Variants in UGT2A2 observed in about 807,000 individuals in gnomAD.
UGT2A2 encodes the protein UDP glucuronosyltransferase family 2 member A2.
UGT2A2 carries 60 observed loss-of-function variants against 50.7 expected under a neutral mutation model. The observed-to-expected ratio is 1.18, with a 90% confidence interval of 0.96 to 1.47. The LOEUF is 1.47. UGT2A2 is among the 40% of genes most tolerant of loss of function. The pLI, the probability that UGT2A2 is intolerant of heterozygous loss-of-function variation, is 0.00. For missense variants in UGT2A2, 762 were observed against 634.0 expected (o/e 1.20, Z -2.17); for synonymous variants, 242 against 214.6 (o/e 1.13, Z -1.11).
intron 1 of UGT2A2, among the ~76,000 whole-genome samples, chr4:69,616,134 C>T (rs920306932): frequency 3.3e-5 from 5 of 151,708 alleles, no homozygotes; most frequent in Non-Finnish European, 5.9e-5. Flanking sequence ...ACAAATATGC[C>T]GTGTTTTCAC....
intron 1 of UGT2A2, among the ~76,000 whole-genome samples, chr4:69,623,376 A>T (rs755313233): frequency 1.3e-5 from 2 of 151,798 alleles, no homozygotes; most frequent in African/African-American, 4.8e-5. Flanking sequence ...AATTTTTGTG[A>T]GAATCATCTC....
At chr4:69,608,091 A>G (rs1196095171) in intron 1 of UGT2A2, among the ~76,000 whole-genome samples, 1 of 152,194 alleles carries the variant, frequency 6.6e-6, no homozygotes. Context: ...AAGGATCATA[A>G]ATCATTCTGC....
At chr4:69,622,675 G>A (rs1720820189) in intron 1 of UGT2A2, among the ~76,000 whole-genome samples, 1 of 151,802 alleles carries the variant, frequency 6.6e-6, no homozygotes, top group Middle Eastern at 3.4e-3. Context: ...ATGCATTGAG[G>A]ATTTCATGTG....
intron 1 of UGT2A2, among the ~76,000 whole-genome samples, chr4:69,631,319 T>TCA (rs33943659): frequency 1.5e-4 from 1 of 6,756 alleles, no homozygotes; most frequent in Non-Finnish European, 3.0e-4. Context: ...TTAATTTTTA[T>TCA]GTTTTTATTT....
chr4:69,620,520 G>C (rs1469683756), intron 1 of UGT2A2, among the ~76,000 whole-genome samples: 2 of 151,776 alleles, frequency 1.3e-5, no homozygotes, highest in Admixed American at 1.3e-4. Context: ...CTCATAGATA[G>C]GAATAATCGA....
chr4:69,590,380 T>C (rs780224090), intron 5 of UGT2A2, among the ~76,000 whole-genome samples: 3 of 152,180 alleles, frequency 2.0e-5, no homozygotes, highest in Non-Finnish European at 2.9e-5. Flanking sequence ...GATATCTACA[T>C]ATTTAAAAGG....
In UGT2A2 at chr4:69,604,977, C is replaced by T. The variant is rs148779677; in HGVS notation, c.743-5583G>A. On this transcript the variant is annotated intron_variant, in intron 1 of 5. Transcript: ENST00000604629. Reference sequence around the variant, plus strand: ...ACTCCCACACAATAATAATGAGAGACTTTGACACCCCACTGTCAACGTTAG... The same window carrying T: ...ACTCCCACACAATAATAATGAGAGATTTTGACACCCCACTGTCAACGTTAG... Among the ~76,000 whole-genome samples the T allele has an allele frequency of 8.1e-5, 11 of 135,852 alleles. 2 individuals are homozygous for T. The highest frequency in any genetic ancestry group is 1.4e-4 in the Non-Finnish European group (9 of 63,982). 89.1% of individuals were successfully genotyped at this position (135,852 alleles called of 152,430 possible).
Position 69,588,702 on chromosome 4 carries a change from A to C in UGT2A2, c.*670T>G, listed in dbSNP as rs1718397177. The C allele has an allele frequency of 6.6e-6, 1 of 152,040 alleles. No homozygotes were observed. Among genetic ancestry groups the C allele is most frequent in the African/African-American group, 2.4e-5 (1 of 41,424 alleles). The allele number at this position is 152,040 out of a possible 1,614,324, so 9.4% of individuals were successfully genotyped here. ...ATTGATTTATTAAAGACAGTACCCA[A>C]ATCTTCCACTACAGGTTATATAAGA... On this transcript the variant is annotated 3_prime_UTR_variant, in exon 6 of 6. Transcript: ENST00000604629.
chr4:69,619,391 T>A (rs1268147746), intron 1 of UGT2A2, among the ~76,000 whole-genome samples: 2 of 151,308 alleles, frequency 1.3e-5, no homozygotes, highest in Admixed American at 1.3e-4. Context: ...CAGAGCAAAA[T>A]CTTGTCTTAA....
chr4:69,607,784 G>T (rs1178250811), intron 1 of UGT2A2, among the ~76,000 whole-genome samples: 1 of 152,084 alleles, frequency 6.6e-6, no homozygotes, highest in East Asian at 1.9e-4. Flanking sequence ...CTTCTCAAAA[G>T]AAGACATTTA....
chr4:69,621,498 A>G (rs1720754503), intron 1 of UGT2A2, among the ~76,000 whole-genome samples: 1 of 151,984 alleles, frequency 6.6e-6, no homozygotes. Context: ...AGTAAAAAAA[A>G]TAACAGATGC....
At chr4:69,627,162 T>G (rs928369472) in intron 1 of UGT2A2, among the ~76,000 whole-genome samples, 2 of 151,946 alleles carry the variant, frequency 1.3e-5, no homozygotes, top group African/African-American at 4.8e-5. Flanking sequence ...TATCTATTTC[T>G]AAATAATTTT....
intron 1 of UGT2A2, among the ~76,000 whole-genome samples, chr4:69,636,364 T>C (rs1267596701): frequency 1.3e-5 from 2 of 152,122 alleles, no homozygotes; most frequent in East Asian, 1.9e-4. Flanking sequence ...GCAAACAAAA[T>C]ACAAAATGGG....
chr4:69,601,112 A>G (rs1409263932), intron 1 of UGT2A2, among the ~76,000 whole-genome samples: 1 of 152,148 alleles, frequency 6.6e-6, no homozygotes, highest in Non-Finnish European at 1.5e-5. Context: ...CTTGCCAAGC[A>G]TGTAGGAGCC....
At chr4:69,626,988 A>G (rs115345180) in intron 1 of UGT2A2, among the ~76,000 whole-genome samples, 4,558 of 151,852 alleles carry the variant, frequency 0.03, 102 homozygotes, top group Middle Eastern at 0.072. Flanking sequence ...TTAAAATTAA[A>G]CACTTCTCCA....
chr4:69,631,615 C>T (rs1421903258), intron 1 of UGT2A2, among the ~76,000 whole-genome samples: 1 of 152,080 alleles, frequency 6.6e-6, no homozygotes, highest in African/African-American at 2.4e-5. Context: ...TCAATGTAGT[C>T]AGATATTTGT....
chr4:69,614,062 C>A (rs946104667), intron 1 of UGT2A2, among the ~76,000 whole-genome samples: 2 of 151,728 alleles, frequency 1.3e-5, no homozygotes, highest in Non-Finnish European at 2.9e-5. Flanking sequence ...AAAATATGAT[C>A]TTGTATCTAG....
chr4:69,609,802 A>C (rs575328915), intron 1 of UGT2A2, among the ~76,000 whole-genome samples: 1 of 152,194 alleles, frequency 6.6e-6, no homozygotes, highest in African/African-American at 2.4e-5. Context: ...TGCATTCCAC[A>C]AAAAAATTAC....
chr4:69,593,542 T>C (rs1159393383), intron 5 of UGT2A2, among the ~76,000 whole-genome samples: 2 of 150,340 alleles, frequency 1.3e-5, no homozygotes, highest in South Asian at 2.1e-4. Flanking sequence ...CACTATCTAC[T>C]AAGCTATATA....
Sources: allele counts gnomAD v4.1 joint callset (sites outside exome capture counted in the v4.1 genomes callset), GRCh38; gene constraint gnomAD v4.1.1; transcripts MANE v1.5; gene names NCBI Gene and HGNC (gene_info 2026-07-23, HGNC 2026-07-21).